Variants in SLC24A2 observed in about 807,000 individuals in gnomAD.
The protein encoded by SLC24A2 is solute carrier family 24 member 2.
SLC24A2 carries 36 observed loss-of-function variants against 62.0 expected under a neutral mutation model. The ratio of observed to expected loss-of-function variants is 0.58; its 90% CI spans 0.44 to 0.77. The LOEUF is 0.77. SLC24A2 is among the 30% of genes least tolerant of loss of function. SLC24A2 has a pLI of 0.00. For missense variants in SLC24A2, 846 were observed against 817.9 expected (o/e 1.03, Z -0.42); for synonymous variants, 358 against 294.0 (o/e 1.22, Z -2.23).
the SLC24A2 span, among the ~76,000 whole-genome samples, chr9:20,028,474 A>C: frequency 2.6e-5 from 4 of 152,142 alleles, no homozygotes; most frequent in Non-Finnish European, 5.9e-5. Flanking sequence ...CTGTCTAAAA[A>C]TGGGGGCAGG....
chr9:19,652,807 A>G (rs1326104918), intron 2 of SLC24A2, among the ~76,000 whole-genome samples: 1 of 152,154 alleles, frequency 6.6e-6, no homozygotes, highest in African/African-American at 2.4e-5. Flanking sequence ...TCCTCTTTGT[A>G]GTTTATCTCA....
the SLC24A2 span, among the ~76,000 whole-genome samples, chr9:19,829,810 TACACACAC>T: frequency 0.017 from 596 of 34,098 alleles, 3 homozygotes; most frequent in African/African-American, 0.027. Context: ...TATATATATA[TACACACAC>T]ACACACACAC....
chr9:20,285,840 T>C, the SLC24A2 span, among the ~76,000 whole-genome samples: 1 of 151,994 alleles, frequency 6.6e-6, no homozygotes, highest in Non-Finnish European at 1.5e-5. Flanking sequence ...AGGAAGGGCA[T>C]GCACAGAGGG....
At chr9:19,865,644 C>A in the SLC24A2 span, among the ~76,000 whole-genome samples, 4 of 152,178 alleles carry the variant, frequency 2.6e-5, no homozygotes, top group African/African-American at 9.6e-5. Context: ...ACTGGATATC[C>A]ATATACAGAA....
the SLC24A2 span, among the ~76,000 whole-genome samples, chr9:20,199,601 G>A: frequency 6.6e-6 from 1 of 152,030 alleles, no homozygotes; most frequent in South Asian, 2.1e-4. Context: ...AATTCACTTT[G>A]AGAATAAAGA....
the SLC24A2 span, among the ~76,000 whole-genome samples, chr9:20,058,702 G>T: frequency 5.2e-4 from 79 of 152,302 alleles, 2 homozygotes; most frequent in Non-Finnish European, 8.2e-4. Flanking sequence ...GGAGTTCAAG[G>T]CTGCAGTGAA....
At chr9:19,766,716 G>A (rs1212650678) in intron 2 of SLC24A2, among the ~76,000 whole-genome samples, 1 of 152,190 alleles carries the variant, frequency 6.6e-6, no homozygotes, top group African/African-American at 2.4e-5. Flanking sequence ...TCTCCTGTAT[G>A]AGTTGTCTGT....
At chr9:20,154,734 A>T in the SLC24A2 span, among the ~76,000 whole-genome samples, 1 of 151,732 alleles carries the variant, frequency 6.6e-6, no homozygotes, top group Admixed American at 6.6e-5. Flanking sequence ...TGACTTGAAA[A>T]ATTGAAGCCC....
At chr9:19,654,207 T>A (rs1218652803) in intron 2 of SLC24A2, among the ~76,000 whole-genome samples, 2 of 152,146 alleles carry the variant, frequency 1.3e-5, no homozygotes, top group African/African-American at 4.8e-5. Context: ...AATGTAGCCT[T>A]TGATATCCCG....
At chr9:19,939,285 T>C in the SLC24A2 span, among the ~76,000 whole-genome samples, 3 of 152,224 alleles carry the variant, frequency 2.0e-5, no homozygotes, top group Non-Finnish European at 2.9e-5. Context: ...TCATGGAGTA[T>C]ACTTATACAA....
chr9:19,894,333 C>G, the SLC24A2 span, among the ~76,000 whole-genome samples: 1 of 152,178 alleles, frequency 6.6e-6, no homozygotes, highest in Non-Finnish European at 1.5e-5. Context: ...CTCTGAGACA[C>G]ATGCTATAGG....
At chr9:20,095,558 C>CT in the SLC24A2 span, among the ~76,000 whole-genome samples, 2 of 151,956 alleles carry the variant, frequency 1.3e-5, no homozygotes, top group South Asian at 2.1e-4. Context: ...GGGACATTGC[C>CT]TTTTTTTTCT....
the SLC24A2 span, among the ~76,000 whole-genome samples, chr9:20,103,968 G>A: frequency 2.0e-5 from 3 of 152,282 alleles, no homozygotes; most frequent in South Asian, 2.1e-4. Context: ...TTAGAAGAAT[G>A]TATAACTAGA....
chr9:19,746,200 CTT>C (rs1821828944), intron 2 of SLC24A2, among the ~76,000 whole-genome samples: 1 of 151,796 alleles, frequency 6.6e-6, no homozygotes, highest in African/African-American at 2.4e-5. Flanking sequence ...AAGCGGCTCT[CTT>C]GTTCTCAGTG....
At chr9:20,251,407 C>T in the SLC24A2 span, among the ~76,000 whole-genome samples, 3 of 151,978 alleles carry the variant, frequency 2.0e-5, no homozygotes, top group Non-Finnish European at 2.9e-5. Flanking sequence ...GCTATGCTAA[C>T]ACCAAGGAAA....
In SLC24A2 at chr9:19,636,379, CTTTCTTT is replaced by C. The variant is rs1564010014; in HGVS notation, c.931-14087_931-14081del. ...TCTTTCTTTCTTTCTTTCTTTCTTT[CTTTCTTT>C]CTCCCTCTCTCTCTCTCTCTCTTTC... On this transcript the variant is annotated intron_variant, in intron 2 of 10. Transcript: ENST00000341998. Among the ~76,000 whole-genome samples, 242 of 24,750 alleles carry C rather than the reference CTTTCTTT, an allele frequency of 9.8e-3. 1 individual carries two copies. The highest frequency in any genetic ancestry group is 0.016 in the Middle Eastern group (1 of 62). The allele number at this position is 24,750 out of a possible 152,430, so 16.2% of individuals were successfully genotyped here.
At chr9:20,277,451 G>C in the SLC24A2 span, among the ~76,000 whole-genome samples, 1 of 151,612 alleles carries the variant, frequency 6.6e-6, no homozygotes, top group Non-Finnish European at 1.5e-5. Flanking sequence ...CTTCTCAAAA[G>C]AAGACATTTA....
intron 2 of SLC24A2, among the ~76,000 whole-genome samples, chr9:19,756,652 G>C (rs368774849): frequency 1.5e-4 from 23 of 152,204 alleles, no homozygotes; most frequent in African/African-American, 4.3e-4. Context: ...CCTTTGAGAA[G>C]CACTACTGAT....
the SLC24A2 span, among the ~76,000 whole-genome samples, chr9:20,188,101 C>T: frequency 3.4e-5 from 4 of 116,472 alleles, no homozygotes; most frequent in African/African-American, 1.3e-4. Context: ...TCTATCCTGT[C>T]AGAAGAGGAT....
Sources: gnomAD v4.1 joint callset for allele counts (sites outside exome capture counted in the v4.1 genomes callset) on GRCh38, gnomAD v4.1.1 for gene constraint, MANE v1.5 for transcripts, NCBI Gene and HGNC (gene_info 2026-07-23, HGNC 2026-07-21) for gene names.